The following RNF220 variants were observed in gnomAD, a reference collection of about 807,000 sequenced individuals.
RNF220 encodes E3 ubiquitin-protein ligase RNF220.
Under a neutral mutation model 67.1 loss-of-function variants are expected in RNF220, and 7 were observed. The observed-to-expected ratio is 0.10, with a 90% CI of 0.06 to 0.20. The LOEUF (loss-of-function observed/expected upper bound fraction) is 0.20, where lower values mean the gene tolerates loss of function less well. Ranked by LOEUF, RNF220 falls within the 10% of genes least tolerant of loss-of-function variation. The pLI, the probability that RNF220 is intolerant of heterozygous loss-of-function variation, is 1.00. For missense variants in RNF220, 565 were observed against 740.3 expected (o/e 0.76, Z 2.75); for synonymous variants, 270 against 283.2 (o/e 0.95, Z 0.47).
intron 2 of RNF220, among the ~76,000 whole-genome samples, chr1:44,501,594 G>A (rs1657885956): frequency 2.1e-5 from 3 of 144,776 alleles, no homozygotes; most frequent in African/African-American, 8.7e-5. Context: ...GGCCAAGCAG[G>A]ACAATTTCTT....
chr1:44,551,415 A>AC (rs1662624659), intron 2 of RNF220, among the ~76,000 whole-genome samples: 1 of 151,334 alleles, frequency 6.6e-6, no homozygotes, highest in African/African-American at 2.4e-5. Flanking sequence ...GTGCCCGGCC[A>AC]TTTTTTTTGT....
chr1:44,589,141 C>T (rs2148365213), intron 2 of RNF220, among the ~76,000 whole-genome samples: 1 of 152,328 alleles, frequency 6.6e-6, no homozygotes, highest in South Asian at 2.1e-4. Context: ...TATCTGTCTT[C>T]TAGACATGAC....
intron 2 of RNF220, among the ~76,000 whole-genome samples, chr1:44,556,646 G>A (rs1366988969): frequency 2.0e-5 from 3 of 151,318 alleles, no homozygotes; most frequent in Non-Finnish European, 4.4e-5. Context: ...TGCAAGCTCC[G>A]CCTCCCGGGT....
intron 2 of RNF220, among the ~76,000 whole-genome samples, chr1:44,580,075 GAAAGA>G (rs1336511385): frequency 1.9e-4 from 22 of 117,230 alleles, no homozygotes; most frequent in East Asian, 5.0e-4. Context: ...AAGAAAGAAA[GAAAGA>G]AAAGAAAAGA....
chr1:44,593,342 C>T (rs1239331070), intron 2 of RNF220, among the ~76,000 whole-genome samples: 1 of 152,192 alleles, frequency 6.6e-6, no homozygotes. Flanking sequence ...CATTTTTAAG[C>T]TTTCGACCAA....
At chr1:44,467,627 A>G (rs1654400757) in intron 2 of RNF220, among the ~76,000 whole-genome samples, 1 of 152,198 alleles carries the variant, frequency 6.6e-6, no homozygotes, top group Non-Finnish European at 1.5e-5. Flanking sequence ...GGCTGGTTTG[A>G]TCTTCTATCC....
intron 2 of RNF220, among the ~76,000 whole-genome samples, chr1:44,456,401 C>G (rs1262697201): frequency 6.6e-6 from 1 of 152,170 alleles, no homozygotes; most frequent in Non-Finnish European, 1.5e-5. Flanking sequence ...AAAGATCATT[C>G]ACTTTTCAGA....
At chr1:44,644,928 C>T (rs1331872927) in intron 9 of RNF220, 67 bp from the exon 10 acceptor site, 7 of 1,578,384 alleles carry the variant, frequency 4.4e-6, no homozygotes, top group Non-Finnish European at 6.1e-6. Context: ...GGGCCATGCT[C>T]TCCTGAGGAT....
At chr1:44,437,222 A>T (rs1572498861) in intron 2 of RNF220, among the ~76,000 whole-genome samples, 1 of 152,336 alleles carries the variant, frequency 6.6e-6, no homozygotes, top group Admixed American at 6.5e-5. Context: ...CTAAAGCTAA[A>T]GTCGATTGCA....
intron 2 of RNF220, among the ~76,000 whole-genome samples, chr1:44,563,888 C>T (rs1250813141): frequency 6.6e-6 from 1 of 152,168 alleles, no homozygotes; most frequent in African/African-American, 2.4e-5. Context: ...TTAGGGTTTC[C>T]CAGAGCTGAC....
intron 2 of RNF220, among the ~76,000 whole-genome samples, chr1:44,541,901 G>C (rs561092765): frequency 6.6e-6 from 1 of 152,298 alleles, no homozygotes; most frequent in East Asian, 1.9e-4. Context: ...AATTTTGAGA[G>C]ATTCCTCTTA....
At chr1:44,541,814 C>T (rs1184558766) in intron 2 of RNF220, among the ~76,000 whole-genome samples, 4 of 152,212 alleles carry the variant, frequency 2.6e-5, no homozygotes, top group African/African-American at 9.7e-5. Context: ...CATTCAGTCA[C>T]CTTGCTCTGA....
At chr1:44,566,728 G>A (rs1416895424) in intron 2 of RNF220, among the ~76,000 whole-genome samples, 2 of 151,840 alleles carry the variant, frequency 1.3e-5, no homozygotes, top group Non-Finnish European at 2.9e-5. Context: ...GAGGGCGGCT[G>A]CTAATGGATG....
rs937871374 is a variant in RNF220 at position 44,540,973 on chromosome 1, C to T, written c.626-73192C>T. 2.0e-5 allele frequency among the ~76,000 whole-genome samples: 3 copies of T among 152,086 alleles called. No homozygotes were observed. In the South Asian group the frequency reaches 6.2e-4, roughly 32 times the overall value. On this transcript the variant is annotated intron_variant, in intron 2 of 14. Coordinates refer to ENST00000361799, the MANE Select transcript of RNF220 (RefSeq NM_018150.4). ...GACAAGGAAAAGAGACAGTAATTAA[C>T]ATTTGTTACGGTGTTTGCAATCTGC... is the stretch of plus-strand genomic sequence containing the variant.
At chr1:44,546,640 C>T (rs1662177419) in intron 2 of RNF220, among the ~76,000 whole-genome samples, 1 of 152,118 alleles carries the variant, frequency 6.6e-6, no homozygotes, top group Non-Finnish European at 1.5e-5. Context: ...ATCATGTTAC[C>T]CCGAGATGGA....
chr1:44,642,970 C>T (rs1259146254), intron 8 of RNF220, among the ~76,000 whole-genome samples: 2 of 152,216 alleles, frequency 1.3e-5, no homozygotes, highest in African/African-American at 2.4e-5. Context: ...GGAGGTGCCA[C>T]TCACCCACAA....
At chr1:44,459,637 A>G (rs1255540504) in intron 2 of RNF220, among the ~76,000 whole-genome samples, 1 of 152,210 alleles carries the variant, frequency 6.6e-6, no homozygotes, top group Non-Finnish European at 1.5e-5. Flanking sequence ...CACATGGCCA[A>G]AGAAAGGCAT....
At chr1:44,499,627 T>A (rs1356968999) in intron 2 of RNF220, among the ~76,000 whole-genome samples, 1 of 152,100 alleles carries the variant, frequency 6.6e-6, no homozygotes, top group African/African-American at 2.4e-5. Context: ...CCTTCTCCTT[T>A]ATCCGCACTA....
intron 2 of RNF220, among the ~76,000 whole-genome samples, chr1:44,438,331 C>T (rs188212500): frequency 6.6e-6 from 1 of 152,258 alleles, no homozygotes; most frequent in East Asian, 1.9e-4. Flanking sequence ...CAATGTTGCC[C>T]AGGCTAGTCT....
Sources: allele counts gnomAD v4.1 joint callset (sites outside exome capture counted in the v4.1 genomes callset), GRCh38; gene constraint gnomAD v4.1.1; transcripts MANE v1.5; gene names NCBI Gene and HGNC (gene_info 2026-07-23, HGNC 2026-07-21).